PDE10A: variants seen among roughly 807,000 people sequenced by gnomAD.
PDE10A encodes the protein cAMP and cAMP-inhibited cGMP 3',5'-cyclic phosphodiesterase 10A.
PDE10A carries 39 observed loss-of-function variants against 97.7 expected under a neutral mutation model. The ratio of observed to expected loss-of-function variants is 0.40; its 90% CI spans 0.31 to 0.52. PDE10A has a LOEUF of 0.52. PDE10A is among the 20% of genes least tolerant of loss of function. The pLI, the probability that PDE10A is intolerant of heterozygous loss-of-function variation, is 0.56. For missense variants in PDE10A, 731 were observed against 1,047.8 expected, an observed-to-expected ratio of 0.70 and a Z score of 4.17; for synonymous variants, 371 against 376.8, an observed-to-expected ratio of 0.98 and a Z score of 0.18.
At chr6:165,643,297 GGGTGTACA>G (rs1789234272) in intron 1 of PDE10A, among the ~76,000 whole-genome samples, 4 of 114,308 alleles carry the variant, frequency 3.5e-5, no homozygotes, top group African/African-American at 6.7e-5. Flanking sequence ...ATGAACGGAT[GGGTGTACA>G]GATGTATGGA....
intron 1 of PDE10A, chr6:165,782,052 A>G (rs1223964951): frequency 1.3e-5 from 2 of 152,272 alleles, no homozygotes; most frequent in African/African-American, 4.8e-5. Context: ...GTACCCAAGA[A>G]TATGAGAATG....
intron 1 of PDE10A, among the ~76,000 whole-genome samples, chr6:165,646,585 G>A (rs967728949): frequency 4.6e-5 from 7 of 152,190 alleles, no homozygotes; most frequent in South Asian, 4.1e-4. Flanking sequence ...TTCAGCACGC[G>A]CTCAGTGATT....
rs1790379964 is a variant in PDE10A, at chr6:165,663,140, G to A, written c.-329C>T. ...GCGTGGCGTGGTGTGTGCGCGCTCC[G>A]GCGGCTGAGCCTCGGCGGCTTCTCG... On this transcript the variant is annotated 5_prime_UTR_variant, in exon 1 of 22. Coordinates refer to ENST00000539869, the MANE Select transcript of PDE10A (RefSeq NM_001385079.1). 6.6e-6 allele frequency among the ~76,000 whole-genome samples: 1 copy of A among 151,848 alleles called. No individual in the cohort carries two copies. Among genetic ancestry groups the A allele is most frequent in the South Asian group, 2.1e-4 (1 of 4,822 alleles).
chr6:165,344,596 C>G (rs186684950), intron 18 of PDE10A, among the ~76,000 whole-genome samples: 1 of 152,280 alleles, frequency 6.6e-6, no homozygotes, highest in Admixed American at 6.5e-5. Flanking sequence ...TTAGGAGCAT[C>G]CATCTGTCAA....
chr6:165,615,666 C>T (rs1583648862), intron 1 of PDE10A, among the ~76,000 whole-genome samples: 1 of 151,910 alleles, frequency 6.6e-6, no homozygotes, highest in East Asian at 1.9e-4. Flanking sequence ...ATAATTTATC[C>T]ATAATAATAA....
At chr6:165,757,931 TA>T (rs1188665189) in intron 1 of PDE10A, among the ~76,000 whole-genome samples, 3 of 152,216 alleles carry the variant, frequency 2.0e-5, no homozygotes, top group African/African-American at 7.2e-5. Context: ...TCTAATTTTT[TA>T]AAGTATACAC....
rs192739364 is a variant in PDE10A at position 165,866,059 on chromosome 6, T to C, written c.-615+121470A>G. On this transcript the variant is annotated intron_variant, in intron 1 of 19. Coordinates refer to the PDE10A transcript ENST00000366882. ...AACAATCAGAAAACAATTAACAAAA[T>C]GCAGAAGTAAGTCCTCACCTACAAA... Among the ~76,000 whole-genome samples the C allele has an allele frequency of 3.6e-3, 549 of 152,142 alleles. 7 individuals carry two copies. Among genetic ancestry groups the C allele is most frequent in the African/African-American group, 0.013 (528 of 41,516 alleles).
At chr6:165,622,051 A>G (rs942681055) in intron 1 of PDE10A, among the ~76,000 whole-genome samples, 1 of 152,196 alleles carries the variant, frequency 6.6e-6, no homozygotes, top group Non-Finnish European at 1.5e-5. Context: ...AGGCCTTTGG[A>G]GCAAACACAG....
intron 10 of PDE10A, among the ~76,000 whole-genome samples, chr6:165,427,591 A>G (rs1451481271): frequency 6.6e-6 from 1 of 152,164 alleles, no homozygotes; most frequent in Non-Finnish European, 1.5e-5. Flanking sequence ...CATATCCGTG[A>G]ATATAGTAAA....
chr6:165,435,462 T>C, intron 5 of PDE10A, 85 bp from the exon 6 acceptor site: 1 of 1,146,508 alleles, frequency 8.7e-7, no homozygotes, highest in Non-Finnish European at 1.2e-6. Context: ...ACAGTCATAA[T>C]AAATCTGTGA....
chr6:165,467,482 C>T (rs1778725971), intron 3 of PDE10A, among the ~76,000 whole-genome samples: 1 of 152,178 alleles, frequency 6.6e-6, no homozygotes, highest in Non-Finnish European at 1.5e-5. Flanking sequence ...TCAGTGACCA[C>T]TGCAAAAATT....
intron 2 of PDE10A, among the ~76,000 whole-genome samples, chr6:165,529,850 T>C (rs1174913285): frequency 6.6e-6 from 1 of 152,078 alleles, no homozygotes; most frequent in Non-Finnish European, 1.5e-5. Context: ...AGGAGACGTG[T>C]ATGGGTTCAA....
intron 1 of PDE10A, among the ~76,000 whole-genome samples, chr6:165,705,679 T>A (rs775027551): frequency 6.6e-6 from 1 of 152,220 alleles, no homozygotes; most frequent in Non-Finnish European, 1.5e-5. Flanking sequence ...ATTCTTTTGA[T>A]TTTTATGGCT....
chr6:165,752,717 A>C (rs910956549), intron 1 of PDE10A, among the ~76,000 whole-genome samples: 1 of 152,058 alleles, frequency 6.6e-6, no homozygotes, highest in Admixed American at 6.6e-5. Context: ...ACCATGAAAA[A>C]CCCAGAATAA....
chr6:165,757,004 G>A (rs1416648851), intron 1 of PDE10A, among the ~76,000 whole-genome samples: 1 of 146,438 alleles, frequency 6.8e-6, no homozygotes, highest in African/African-American at 2.5e-5. Context: ...GTCTCGCTCT[G>A]TTGCCCAGGC....
rs140514586 is a variant in PDE10A at position 165,408,366 on chromosome 6, T to C, written c.2076+5135A>G. The stretch of plus-strand genomic sequence containing the variant: ...GTTTGGGACAACGCATAATACAAGG[T>C]GTTTTTCCTAATTTTCATATGATGC... On this transcript the variant is annotated intron_variant, in intron 13 of 21. Coordinates refer to ENST00000539869, the MANE Select transcript of PDE10A (RefSeq NM_001385079.1). Among the ~76,000 whole-genome samples the C allele has an allele frequency of 8.5e-3, 1,290 of 152,236 alleles. 4 individuals carry two copies. Among genetic ancestry groups the C allele is most frequent in the Non-Finnish European group, 0.012 (820 of 68,022 alleles).
chr6:165,542,865 G>A (rs191686381), intron 2 of PDE10A, among the ~76,000 whole-genome samples: 23 of 151,994 alleles, frequency 1.5e-4, no homozygotes, highest in Admixed American at 4.6e-4. Flanking sequence ...TGATCCGCCC[G>A]CCTCAGCCTC....
At chr6:165,680,449 T>A (rs1042878998) in intron 1 of PDE10A, among the ~76,000 whole-genome samples, 1 of 152,298 alleles carries the variant, frequency 6.6e-6, no homozygotes, top group African/African-American at 2.4e-5. Context: ...TAAGCACCTC[T>A]CCAGTGCAAT....
intron 2 of PDE10A, among the ~76,000 whole-genome samples, chr6:165,483,560 T>C (rs983937690): frequency 6.6e-6 from 1 of 152,226 alleles, no homozygotes; most frequent in African/African-American, 2.4e-5. Context: ...GACTATTTAA[T>C]CATTACAACA....
Sources: allele counts gnomAD v4.1 joint callset (sites outside exome capture counted in the v4.1 genomes callset), GRCh38; gene constraint gnomAD v4.1.1; transcripts MANE v1.5; gene names NCBI Gene and HGNC (gene_info 2026-07-23, HGNC 2026-07-21).